Variants in NIPAL3 observed in about 807,000 individuals in gnomAD.
NIPAL3 encodes the protein NIPA-like protein 3.
In NIPAL3, 41 loss-of-function variants were observed where a neutral mutation model predicts 47.2. That is an observed-to-expected ratio of 0.87 (90% CI 0.68 to 1.13). The LOEUF is 1.13. NIPAL3 is among the 50% of genes most tolerant of loss of function. The pLI is 0.00. For missense variants in NIPAL3, 449 were observed against 530.1 expected (o/e 0.85, Z 1.50); for synonymous variants, 194 against 209.6 (o/e 0.93, Z 0.64).
Position 24,456,122 on chromosome 1 carries a change from T to C in NIPAL3, c.638-16T>C. On this transcript the variant is annotated splice_polypyrimidine_tract_variant and intron_variant, in intron 7 of 11. Coordinates refer to ENST00000374399, the MANE Select transcript of NIPAL3 (RefSeq NM_020448.5). ...TTCCCTGAGGCTCCCCATTCGCCCT[T>C]GTCTCCCATCTGCAGGCTCCATGAC... is the stretch of plus-strand genomic sequence containing the variant. The C allele has an allele frequency of 1.2e-6, 2 of 1,614,064 alleles. No homozygotes were observed. Among genetic ancestry groups the C allele is most frequent in the Non-Finnish European group, 1.7e-6 (2 of 1,179,948 alleles).
At chr1:24,452,803 C>G (rs1646001538) in intron 6 of NIPAL3, among the ~76,000 whole-genome samples, 2 of 151,608 alleles carry the variant, frequency 1.3e-5, no homozygotes, top group African/African-American at 4.8e-5. Context: ...TCTCCTGCCT[C>G]AGCCTCCTGA....
At position 24,439,349 on chromosome 1, in the gene NIPAL3, T is replaced by C. The variant is rs1013601005; in HGVS notation, c.94-823T>C. Among the ~76,000 whole-genome samples the C allele has an allele frequency of 2.0e-5, 3 of 152,312 alleles. No homozygotes were observed. The East Asian group carries it at 5.8e-4, about 29-fold the overall frequency. On this transcript the variant is annotated intron_variant, in intron 2 of 11. Coordinates refer to ENST00000374399, the MANE Select transcript of NIPAL3 (RefSeq NM_020448.5). ...CTGACAGGGAAATGTGCTCACAATA[T>C]GTTAAGTAAAAAAACAGATTATAAA...
chr1:24,434,183 G>A lies in NIPAL3; in HGVS notation c.94-5989G>A, dbSNP rs1645000419. On this transcript the variant is annotated intron_variant, in intron 2 of 11. Coordinates refer to ENST00000374399, the MANE Select transcript of NIPAL3 (RefSeq NM_020448.5). Reference sequence around the variant, plus strand: ...TATATATTTTAAAACATTCAAGTATGTGCTATCTACAAAAGATTCCCTTTA... The same window carrying A: ...TATATATTTTAAAACATTCAAGTATATGCTATCTACAAAAGATTCCCTTTA... Among the ~76,000 whole-genome samples the A allele has an allele frequency of 2.6e-5, 4 of 152,214 alleles. No individual in the cohort carries two copies. In the South Asian group the frequency reaches 8.3e-4, roughly 32 times the overall value.
chr1:24,442,460 G>A (rs1645443277), intron 4 of NIPAL3, among the ~76,000 whole-genome samples: 1 of 152,218 alleles, frequency 6.6e-6, no homozygotes, highest in Admixed American at 6.5e-5. Flanking sequence ...TTTAACAGAT[G>A]AGGAAACTGA....
chr1:24,445,023 C>T lies in NIPAL3; in HGVS notation c.335-162C>T, dbSNP rs546755167. On this transcript the variant is annotated intron_variant, in intron 4 of 11. Transcript: ENST00000374399. ...AAGGCTCCTCTCTGAGCCTCCCTTT[C>T]CTAGATGGAATCACACAGGAACCAA... 3.9e-5 allele frequency among the ~76,000 whole-genome samples: 6 copies of T among 152,280 alleles called. No homozygotes were observed. In the South Asian group the frequency reaches 1.2e-3, roughly 32 times the overall value.
intron 2 of NIPAL3, among the ~76,000 whole-genome samples, chr1:24,438,987 CAA>C (rs1438490553): frequency 6.6e-6 from 1 of 151,678 alleles, no homozygotes; most frequent in Non-Finnish European, 1.5e-5. Context: ...CTAGGCTATT[CAA>C]TCACAGCATT....
intron 2 of NIPAL3, among the ~76,000 whole-genome samples, chr1:24,438,477 C>T (rs547319389): frequency 1.3e-3 from 197 of 152,352 alleles, no homozygotes; most frequent in African/African-American, 4.5e-3. Context: ...CCTCTCCCGT[C>T]CCTGGCCAAC....
intron 2 of NIPAL3, among the ~76,000 whole-genome samples, chr1:24,421,343 C>A (rs936849421): frequency 2.0e-5 from 3 of 151,556 alleles, no homozygotes; most frequent in Non-Finnish European, 4.4e-5. Flanking sequence ...GAGAGTGAGA[C>A]CCCACCTCAA....
chr1:24,456,359 CA>C, intron 8 of NIPAL3, 86 bp downstream of exon 8: 1 of 1,568,992 alleles, frequency 6.4e-7, no homozygotes, highest in Non-Finnish European at 8.7e-7. Flanking sequence ...TGTGAAGCCA[CA>C]AGGAGGCCAG....
At chr1:24,450,786 T>TTTTCCTCTGACATA (rs1553139651) in intron 6 of NIPAL3, among the ~76,000 whole-genome samples, 1 of 152,212 alleles carries the variant, frequency 6.6e-6, no homozygotes, top group Non-Finnish European at 1.5e-5. Context: ...GTGTTCACTG[T>TTTTCCTCTGACATA]TTTCCTCTGA....
chr1:24,464,274 G>C (rs1646606391), intron 11 of NIPAL3, 154 bp downstream of exon 11: 3 of 552,110 alleles, frequency 5.4e-6, no homozygotes, highest in Non-Finnish European at 3.0e-6. Flanking sequence ...TTGTGCAAAA[G>C]GGTAGGCAAT....
intron 2 of NIPAL3, among the ~76,000 whole-genome samples, chr1:24,423,633 C>T (rs972897627): frequency 1.3e-5 from 2 of 152,026 alleles, no homozygotes; most frequent in African/African-American, 4.8e-5. Context: ...CCGCCTCACA[C>T]ACACACACAA....
intron 10 of NIPAL3, among the ~76,000 whole-genome samples, chr1:24,462,371 A>G (rs1206401310): frequency 6.6e-6 from 1 of 152,248 alleles, no homozygotes; most frequent in Non-Finnish European, 1.5e-5. Flanking sequence ...TAGTAGCTTT[A>G]TTCATCATAG....
intron 1 of NIPAL3, among the ~76,000 whole-genome samples, chr1:24,418,396 T>A (rs138508054): frequency 5.8e-4 from 89 of 152,274 alleles, no homozygotes; most frequent in African/African-American, 2.1e-3. Context: ...TTTGGGAGGC[T>A]GAGGCAAGTG....
chr1:24,432,703 A>G (rs1440489407), intron 2 of NIPAL3, among the ~76,000 whole-genome samples: 1 of 152,234 alleles, frequency 6.6e-6, no homozygotes, highest in Admixed American at 6.5e-5. Flanking sequence ...AGATGATAAT[A>G]GTACCTGCCT....
At chr1:24,445,917 G>A (rs1178313358) in intron 5 of NIPAL3, among the ~76,000 whole-genome samples, 1 of 152,190 alleles carries the variant, frequency 6.6e-6, no homozygotes, top group Non-Finnish European at 1.5e-5. Context: ...AGAGGCAGAA[G>A]TGTCACTTTA....
In NIPAL3 at chr1:24,452,581, G is replaced by A. The variant is rs148446034; in HGVS notation, c.541-827G>A. On this transcript the variant is annotated intron_variant, in intron 6 of 11. Transcript: ENST00000374399. ...TTAAGTGACTTACCCAAGGCCACAC[G>A]ACTAGTTTAGAGGCAGACCTAAGTT... Among the ~76,000 whole-genome samples, 7 of 152,286 alleles carry A rather than the reference G, an allele frequency of 4.6e-5. No individual in the cohort carries two copies. In the East Asian group the frequency reaches 5.8e-4, roughly 13 times the overall value.
chr1:24,424,177 A>G (rs975579889), intron 2 of NIPAL3, among the ~76,000 whole-genome samples: 8 of 152,194 alleles, frequency 5.3e-5, no homozygotes, highest in African/African-American at 1.9e-4. Context: ...AGGGACAGGC[A>G]TGGTTGTGAT....
At chr1:24,453,370 TG>T in intron 6 of NIPAL3, 37 bp from the exon 7 acceptor site, 2 of 1,511,532 alleles carry the variant, frequency 1.3e-6, no homozygotes, top group South Asian at 1.1e-5. Flanking sequence ...CCTACTTCTG[TG>T]GTCCCCACTG....
Sources: allele counts gnomAD v4.1 joint callset (sites outside exome capture counted in the v4.1 genomes callset), GRCh38; gene constraint gnomAD v4.1.1; transcripts MANE v1.5; gene names NCBI Gene and HGNC (gene_info 2026-07-23, HGNC 2026-07-21).